Variants in CEP63 observed in about 807,000 individuals in gnomAD.
The protein encoded by CEP63 is centrosomal protein of 63 kDa.
Under a neutral mutation model 89.1 loss-of-function variants are expected in CEP63, and 84 were observed. That is an observed-to-expected ratio of 0.94 (90% CI 0.79 to 1.13). The LOEUF is 1.13. CEP63 is among the 50% of genes most tolerant of loss of function. The pLI is 0.00. For missense variants in CEP63, 838 were observed against 813.3 expected (o/e 1.03, Z -0.37); for synonymous variants, 267 against 272.5 (o/e 0.98, Z 0.20).
At chr3:134,732,272 A>G in the CEP63 span, among the ~76,000 whole-genome samples, 1 of 152,214 alleles carries the variant, frequency 6.6e-6, no homozygotes, top group South Asian at 2.1e-4. Context: ...ATGCTGTTCA[A>G]GACTACTAGC....
chr3:134,730,276 A>G, the CEP63 span, among the ~76,000 whole-genome samples: 1 of 152,220 alleles, frequency 6.6e-6, no homozygotes, highest in Non-Finnish European at 1.5e-5. Context: ...GCCAGCATCC[A>G]TTCTTGCTTG....
Position 134,537,281 on chromosome 3 carries a change from C to A in CEP63, c.555+13C>A. On this transcript the variant is annotated intron_variant, in intron 6 of 14. Coordinates refer to ENST00000675561, the MANE Select transcript of CEP63 (RefSeq NM_001353108.3). The stretch of plus-strand genomic sequence containing the variant: ...AGAGATAATTCAGGTAGGCCTAAGA[C>A]TTTTTAAAATAATGAGAAGCAGATA... 1 of 1,519,556 alleles carries A rather than the reference C, an allele frequency of 6.6e-7. No individual in the cohort carries two copies. The highest frequency in any genetic ancestry group is 2.2e-5 in the East Asian group (1 of 44,464). 94.1% of individuals were successfully genotyped at this position (1,519,556 alleles called of 1,614,324 possible).
chr3:134,759,056 A>G, the CEP63 span, among the ~76,000 whole-genome samples: 1 of 152,210 alleles, frequency 6.6e-6, no homozygotes, highest in Non-Finnish European at 1.5e-5. Context: ...AAAGCCAGGA[A>G]TGCAGGTGGC....
rs776579988 is a variant in CEP63 at position 134,558,200 on chromosome 3, T to A, written c.1526T>A (p.Leu509Ter). Residue 509 changes from leucine to a stop codon, truncating the protein, a stop_gained, in exon 13 of 15, where the codon TTA becomes TAA. Coordinates refer to ENST00000675561, the MANE Select transcript of CEP63 (RefSeq NM_001353108.3). LOFTEE classifies it high-confidence loss of function. ...QENYIEALNK[L>*]VSENQQLQKD... ...AATTATATTGAGGCATTAAATAAAT[T>A]AGTGTCTGAAAATCAACAACTACAG... 6.2e-7 allele frequency: 1 copy of A among 1,613,684 alleles called. No individual in the cohort carries two copies.
At chr3:134,702,504 T>C in the CEP63 span, among the ~76,000 whole-genome samples, 1 of 151,616 alleles carries the variant, frequency 6.6e-6, no homozygotes, top group Non-Finnish European at 1.5e-5. Flanking sequence ...CAAAACAACA[T>C]GGTACTGGTA....
Position 134,547,319 on chromosome 3 carries a change from C to T in CEP63, c.930-16C>T, listed in dbSNP as rs1430625201. ...AGAGATAAAGGCGTTAACAATCATC[C>T]TATGTCTTTCCATAGGCCACGGGAA... On this transcript the variant is annotated splice_polypyrimidine_tract_variant and intron_variant, in intron 8 of 14. Coordinates refer to ENST00000675561, the MANE Select transcript of CEP63 (RefSeq NM_001353108.3). The T allele has an allele frequency of 1.2e-6, 2 of 1,611,720 alleles. No homozygotes were observed. Among genetic ancestry groups the T allele is most frequent in the Admixed American group, 3.3e-5 (2 of 59,982 alleles).
the CEP63 span, among the ~76,000 whole-genome samples, chr3:134,615,896 G>A: frequency 0.62 from 94,615 of 152,064 alleles, 29,960 homozygotes; most frequent in East Asian, 0.87. Flanking sequence ...AGTGACAGCT[G>A]GAGGATGAGT....
At chr3:134,640,979 C>G in the CEP63 span, among the ~76,000 whole-genome samples, 1 of 152,216 alleles carries the variant, frequency 6.6e-6, no homozygotes, top group Non-Finnish European at 1.5e-5. Flanking sequence ...CAACTCTGCC[C>G]TGTGTCCTCT....
intron 2 of CEP63, among the ~76,000 whole-genome samples, chr3:134,504,931 A>C (rs145484967): frequency 6.6e-6 from 1 of 152,104 alleles, no homozygotes; most frequent in Non-Finnish European, 1.5e-5. Flanking sequence ...AATTTCATTT[A>C]TTGAATTCTT....
the CEP63 span, among the ~76,000 whole-genome samples, chr3:134,763,638 T>G: frequency 6.6e-6 from 1 of 152,240 alleles, no homozygotes; most frequent in Non-Finnish European, 1.5e-5. Context: ...CCCAGTTCGC[T>G]GTGTTTTGGA....
At chr3:134,665,327 C>T in the CEP63 span, among the ~76,000 whole-genome samples, 2 of 152,334 alleles carry the variant, frequency 1.3e-5, no homozygotes, top group Non-Finnish European at 2.9e-5. Flanking sequence ...CTCCTCCCAC[C>T]CCATCCAGTT....
the CEP63 span, among the ~76,000 whole-genome samples, chr3:134,638,861 T>G: frequency 6.6e-6 from 1 of 152,210 alleles, no homozygotes; most frequent in Admixed American, 6.5e-5. Flanking sequence ...TAACTCTGAC[T>G]GATTGGAAGT....
intron 2 of CEP63, among the ~76,000 whole-genome samples, chr3:134,496,987 A>G (rs1464153328): frequency 6.6e-6 from 1 of 152,120 alleles, no homozygotes; most frequent in Non-Finnish European, 1.5e-5. Context: ...GAGATGAATC[A>G]TTGTGGTTTT....
chr3:134,557,946 G>A (rs910072829), intron 12 of CEP63, among the ~76,000 whole-genome samples, 196 bp from the exon 13 acceptor site: 2 of 152,044 alleles, frequency 1.3e-5, no homozygotes, highest in Non-Finnish European at 2.9e-5. Context: ...AGCCCGTTGT[G>A]CTTCTAGTGT....
chr3:134,534,793 C>T (rs1241781107), intron 5 of CEP63, among the ~76,000 whole-genome samples: 1 of 152,180 alleles, frequency 6.6e-6, no homozygotes, highest in Non-Finnish European at 1.5e-5. Context: ...TGTATTTCCT[C>T]TCATCTCCTA....
At chr3:134,773,972 A>ACCATTTTC in the CEP63 span, among the ~76,000 whole-genome samples, 1 of 152,172 alleles carries the variant, frequency 6.6e-6, no homozygotes, top group Non-Finnish European at 1.5e-5. Flanking sequence ...CTTGCATGTC[A>ACCATTTTC]CCATTTTCCC....
the CEP63 span, among the ~76,000 whole-genome samples, chr3:134,618,498 G>T: frequency 6.6e-6 from 1 of 152,134 alleles, no homozygotes; most frequent in African/African-American, 2.4e-5. Context: ...CAGAGGGTAG[G>T]CTCAGGAAGC....
chr3:134,744,824 T>C, the CEP63 span, among the ~76,000 whole-genome samples: 1 of 152,322 alleles, frequency 6.6e-6, no homozygotes, highest in Non-Finnish European at 1.5e-5. Context: ...GGCCTACTTA[T>C]ATACTCTTTA....
downstream of CEP63, among the ~76,000 whole-genome samples, chr3:134,578,910 T>A (rs1401587721): frequency 2.0e-5 from 3 of 152,148 alleles, no homozygotes; most frequent in African/African-American, 7.2e-5. Flanking sequence ...GCCCTTTAGT[T>A]TAACACTTGG....
Sources: allele counts gnomAD v4.1 joint callset (sites outside exome capture counted in the v4.1 genomes callset), GRCh38; gene constraint gnomAD v4.1.1; transcripts MANE v1.5; gene names NCBI Gene and HGNC (gene_info 2026-07-23, HGNC 2026-07-21).